Variants in NRAS observed in about 807,000 individuals in gnomAD.
NRAS encodes the protein GTPase NRas.
NRAS carries 6 observed loss-of-function variants against 21.3 expected under a neutral mutation model. That is an observed-to-expected ratio of 0.28 (90% CI 0.15 to 0.56). The LOEUF (loss-of-function observed/expected upper bound fraction) is 0.56, where lower values mean the gene tolerates loss of function less well. Ranked by LOEUF, NRAS falls within the 20% of genes least tolerant of loss-of-function variation. NRAS has a pLI of 0.93. For synonymous variants in NRAS, 84 were observed against 82.0 expected (o/e 1.02, Z -0.13); for missense variants, 143 against 231.3 (o/e 0.62, Z 2.48).
chr1:114,709,540 T>C (rs774061144), intron 4 of NRAS, 29 bp downstream of exon 4: 1 of 1,598,006 alleles, frequency 6.3e-7, no homozygotes, highest in South Asian at 1.1e-5. Flanking sequence ...ATGCAAACTC[T>C]TGCACAAATG....
chr1:114,714,234 A>G (rs769944931), intron 2 of NRAS, among the ~76,000 whole-genome samples: 8 of 152,362 alleles, frequency 5.3e-5, no homozygotes, highest in Middle Eastern at 3.4e-3. Context: ...TGTTCCTGGA[A>G]AAGATTAAGA....
rs756373499 is a variant in NRAS at position 114,713,847 on chromosome 1, T to C, written c.243A>G (p.Val81=). 1 of 1,614,096 alleles carries C rather than the reference T, an allele frequency of 6.2e-7. No individual in the cohort carries two copies. Among genetic ancestry groups the C allele is most frequent in the South Asian group, 1.1e-5 (1 of 91,086 alleles). The change falls in exon 3 of 7, where the codon GTA becomes GTG. Residue 81 remains valine (V), a synonymous_variant. Transcript: ENST00000369535. ...ATGACTTGCTATTATTGATGGCAAATACACAGAGGAAGCCTTCGCCTGTCC... is the reference window on the plus strand; with the variant it reads ...ATGACTTGCTATTATTGATGGCAAACACACAGAGGAAGCCTTCGCCTGTCC... ...YMRTGEGFLC[V]FAINNSKSFA... is the part of the protein sequence containing the mutation.
intron 2 of NRAS, 107 bp from the exon 3 acceptor site, chr1:114,714,085 T>C: frequency 1.4e-6 from 1 of 693,622 alleles, no homozygotes. Context: ...CATCTAACTA[T>C]TCAAGCCCAT....
At chr1:114,713,557 A>C (rs1165469757) in intron 3 of NRAS, among the ~76,000 whole-genome samples, 1 of 152,156 alleles carries the variant, frequency 6.6e-6, no homozygotes, top group Non-Finnish European at 1.5e-5. Flanking sequence ...CTCTGGTTCC[A>C]AGTCATTCCC....
intron 3 of NRAS, among the ~76,000 whole-genome samples, chr1:114,712,069 C>T (rs1470184763): frequency 6.6e-6 from 1 of 152,138 alleles, no homozygotes; most frequent in East Asian, 1.9e-4. Context: ...ATGGTAATAG[C>T]CTACATTAAG....
Position 114,707,322 on chromosome 1 carries a change from T to G in NRAS, c.*772A>C, listed in dbSNP as rs149573035. On this transcript the variant is annotated 3_prime_UTR_variant, in exon 7 of 7. Coordinates refer to ENST00000369535, the MANE Select transcript of NRAS (RefSeq NM_002524.5). The stretch of plus-strand genomic sequence containing the variant: ...AATGGCATCTGCTCTCAAATAGATA[T>G]AGCTTTCCTTCAATGGTAGATAAGT... 7.2e-5 allele frequency: 11 copies of G among 152,736 alleles called. No individual in the cohort carries two copies. Among genetic ancestry groups the G allele is most frequent in the African/African-American group, 2.6e-4 (11 of 41,578 alleles). 9.5% of individuals were successfully genotyped at this position (152,736 alleles called of 1,614,324 possible).
chr1:114,716,593 G>A, intron 1 of NRAS, 65 bp downstream of exon 1: 1 of 318,316 alleles, frequency 3.1e-6, no homozygotes, highest in Non-Finnish European at 6.1e-6. Flanking sequence ...TCCATTTCTG[G>A]CATCAGTGAA....
At chr1:114,709,180 T>C (rs901103959) in intron 4 of NRAS, among the ~76,000 whole-genome samples, 1 of 152,234 alleles carries the variant, frequency 6.6e-6, no homozygotes, top group Non-Finnish European at 1.5e-5. Flanking sequence ...CTCACACCTG[T>C]AATCCCAGCA....
Position 114,709,663 on chromosome 1 carries a change from T to C in NRAS, c.356A>G (p.Asp119Gly), listed in dbSNP as rs754428086. 4.3e-6 allele frequency: 7 copies of C among 1,613,356 alleles called. No homozygotes were observed. The highest frequency in any genetic ancestry group is 2.7e-5 in the African/African-American group (2 of 74,912). ...VPMVLVGNKC[D>G]LPTRTVDTKQ... Reference sequence around the variant, plus strand: ...TGTATCAACTGTCCTTGTTGGCAAATCACACTTGTTTCCCACTAGCACCAT... The same window carrying C: ...TGTATCAACTGTCCTTGTTGGCAAACCACACTTGTTTCCCACTAGCACCAT... Residue 119 changes from aspartate (D) to glycine (G), a missense_variant, in exon 4 of 7, where the codon GAT (aspartate) becomes GGT (glycine). Coordinates refer to ENST00000369535, the MANE Select transcript of NRAS (RefSeq NM_002524.5).
In NRAS at chr1:114,716,767, G is replaced by GC. The variant is rs1485038196; in HGVS notation, c.-128dup. The GC allele has an allele frequency of 6.4e-6, 1 of 155,054 alleles. No individual in the cohort carries two copies. The highest frequency in any genetic ancestry group is 1.9e-4 in the East Asian group (1 of 5,188). 9.6% of individuals were successfully genotyped at this position (155,054 alleles called of 1,614,324 possible). ...CCCCCACCAAGGAGCGGCACTTCCG[G>GC]CCCCGCCCGCTACGTAATCAGTCGG... On this transcript the variant is annotated 5_prime_UTR_variant, in exon 1 of 7. Transcript: ENST00000369535.
rs1387841189 is a variant in NRAS at position 114,706,627 on chromosome 1, AT to A, written c.*1466del. The A allele has an allele frequency of 3.3e-5, 5 of 152,214 alleles. No individual in the cohort carries two copies. The highest frequency in any genetic ancestry group is 1.2e-4 in the African/African-American group (5 of 41,444). 9.4% of individuals were successfully genotyped at this position (152,214 alleles called of 1,614,324 possible). On this transcript the variant is annotated 3_prime_UTR_variant, in exon 7 of 7. Transcript: ENST00000369535. ...TTCTACATGGCTAAAAGAAAAAAAA[AT>A]GTTTAAATACGTGATACTGAGTTTT...
At chr1:114,710,164 C>T (rs1449625997) in intron 3 of NRAS, among the ~76,000 whole-genome samples, 1 of 149,362 alleles carries the variant, frequency 6.7e-6, no homozygotes. Context: ...ACACTCTAGC[C>T]TGGGCGACAG....
chr1:114,713,771 C>A (rs985190957), intron 3 of NRAS, 29 bp downstream of exon 3: 1 of 1,574,632 alleles, frequency 6.4e-7, no homozygotes, highest in African/African-American at 1.3e-5. Flanking sequence ...CAAAGATCAT[C>A]CTTTCAGAGA....
rs560803101 is a variant in NRAS, at chr1:114,715,673, A to C, written c.111+377T>G. Among the ~76,000 whole-genome samples the C allele has an allele frequency of 1.5e-3, 235 of 152,314 alleles. 1 individual carries two copies. Among genetic ancestry groups the C allele is most frequent in the African/African-American group, 5.3e-3 (222 of 41,560 alleles). ...CAGCTGCTTCAACTAGCTAATAAATAAATATTGAAGAACACTCATCTCTGA... is the reference window on the plus strand; with the variant it reads ...CAGCTGCTTCAACTAGCTAATAAATCAATATTGAAGAACACTCATCTCTGA... On this transcript the variant is annotated intron_variant, in intron 2 of 6. Transcript: ENST00000369535.
rs1658944505 is a variant in NRAS at position 114,707,521 on chromosome 1, ATTCAT to A, written c.*568_*572del. The A allele has an allele frequency of 1.3e-5, 2 of 152,658 alleles. No homozygotes were observed. Among genetic ancestry groups the A allele is most frequent in the African/African-American group, 4.8e-5 (2 of 41,454 alleles). 9.5% of individuals were successfully genotyped at this position (152,658 alleles called of 1,614,324 possible). The stretch of plus-strand genomic sequence containing the variant: ...GACTAGGATAGACTCAAAATTCAGT[ATTCAT>A]TTTTGTATTTATGAATCTAGAGCAG... On this transcript the variant is annotated 3_prime_UTR_variant, in exon 7 of 7. Transcript: ENST00000369535.
intron 1 of NRAS, 77 bp downstream of exon 1, chr1:114,716,581 G>A (rs1659177430): frequency 6.2e-6 from 2 of 324,694 alleles, no homozygotes. Flanking sequence ...GATAGATTCT[G>A]CTCCATTTCT....
chr1:114,710,041 A>T (rs1229846438), intron 3 of NRAS, among the ~76,000 whole-genome samples: 2 of 151,414 alleles, frequency 1.3e-5, no homozygotes, highest in African/African-American at 4.9e-5. Flanking sequence ...AAATACAAAA[A>T]TTAGCCAGGT....
chr1:114,712,216 TA>T (rs1245059557), intron 3 of NRAS, among the ~76,000 whole-genome samples: 1 of 152,218 alleles, frequency 6.6e-6, no homozygotes, highest in African/African-American at 2.4e-5. Context: ...AGCATACAGA[TA>T]CTGAATCTTT....
intron 3 of NRAS, among the ~76,000 whole-genome samples, chr1:114,711,707 A>T (rs1659051475): frequency 6.6e-6 from 1 of 152,180 alleles, no homozygotes; most frequent in African/African-American, 2.4e-5. Flanking sequence ...TGCTCTTAGT[A>T]AAGGGAGGCT....
Sources: allele counts gnomAD v4.1 joint callset (sites outside exome capture counted in the v4.1 genomes callset), GRCh38; gene constraint gnomAD v4.1.1; transcripts MANE v1.5; gene names NCBI Gene and HGNC (gene_info 2026-07-23, HGNC 2026-07-21).